The following SHANK2 variants were observed in gnomAD, a reference collection of about 807,000 sequenced individuals.
SHANK2 encodes the protein SH3 and multiple ankyrin repeat domains 2.
SHANK2 carries 43 observed loss-of-function variants against 133.7 expected under a neutral mutation model. The observed-to-expected ratio is 0.32, with a 90% CI of 0.25 to 0.41. SHANK2 has a LOEUF of 0.41. Among genes scored for constraint, SHANK2 ranks in the 10% least tolerant of loss-of-function variants. The probability of loss-of-function intolerance (pLI) is 1.00; values close to 1 mark genes in which losing one functional copy is unlikely to be tolerated. For missense variants in SHANK2, 1,994 were observed against 2,235.8 expected (o/e 0.89, Z 2.18); for synonymous variants, 1,017 against 952.8 (o/e 1.07, Z -1.24).
chr11:70,917,847 C>A (rs1184762505), intron 10 of SHANK2, among the ~76,000 whole-genome samples: 1 of 151,930 alleles, frequency 6.6e-6, no homozygotes, highest in African/African-American at 2.4e-5. Flanking sequence ...GACACAGGAG[C>A]CTTTCAGGGG....
chr11:70,574,045 TCTC>T (rs1174517188), intron 17 of SHANK2, among the ~76,000 whole-genome samples: 1 of 151,932 alleles, frequency 6.6e-6, no homozygotes, highest in African/African-American at 2.4e-5. Context: ...GGAAGTCTGA[TCTC>T]CTCCTACCAG....
intron 8 of SHANK2, among the ~76,000 whole-genome samples, chr11:71,085,716 T>G (rs1462069321): frequency 1.6e-5 from 1 of 63,062 alleles, no homozygotes; most frequent in Non-Finnish European, 2.7e-5. Context: ...TTATATATAT[T>G]ATATTATATA....
intron 17 of SHANK2, among the ~76,000 whole-genome samples, chr11:70,582,885 G>A (rs12800827): frequency 3.3e-5 from 5 of 152,312 alleles, no homozygotes; most frequent in Non-Finnish European, 5.9e-5. Flanking sequence ...GGGTGTGCGT[G>A]TCTGATGAGC....
chr11:70,628,624 C>T (rs1190855933), intron 17 of SHANK2, among the ~76,000 whole-genome samples: 3 of 152,340 alleles, frequency 2.0e-5, no homozygotes, highest in East Asian at 1.9e-4. Flanking sequence ...ACGCCAGCCC[C>T]ATGCTCACTC....
chr11:70,709,777 G>A (rs1310352524), intron 14 of SHANK2, among the ~76,000 whole-genome samples: 11 of 152,104 alleles, frequency 7.2e-5, no homozygotes, highest in African/African-American at 2.4e-4. Context: ...AAGAGACTTG[G>A]GGGAGCCCTG....
At chr11:70,943,109 T>A (rs1482928629) in intron 10 of SHANK2, 1 of 456,480 alleles carries the variant, frequency 2.2e-6, no homozygotes, top group South Asian at 1.6e-5. Context: ...GGAGTTCACC[T>A]GGCAAAGGTG....
chr11:71,161,954 C>T (rs1464240353), intron 2 of SHANK2, among the ~76,000 whole-genome samples: 1 of 152,190 alleles, frequency 6.6e-6, no homozygotes, highest in Non-Finnish European at 1.5e-5. Flanking sequence ...ACAGGCAGGG[C>T]AGCATCCTCA....
At chr11:70,826,763 T>C in intron 11 of SHANK2, 1 of 304,376 alleles carries the variant, frequency 3.3e-6, no homozygotes, top group Non-Finnish European at 6.6e-6. Context: ...CGGCTACCTC[T>C]CGCGGCGCGC....
Position 70,485,322 on chromosome 11 carries a change from G to C in SHANK2, c.4971C>G (p.Leu1657=). ...DSPMGAKSAS[L]APRSPEIMST... ...ACCAACCGCGGACTTACCTTGGAGC[G>C]AGGCTGGCGGACTTGGCTCCCATTG... The change falls in exon 25 of 26, where the codon CTC becomes CTG. Residue 1657 remains leucine, a synonymous_variant. Transcript: ENST00000601538. This position sits in a 1 kb window ranked among gnomAD's most constrained non-coding sequence, Gnocchi z 5.8. The C allele has an allele frequency of 1.9e-6, 3 of 1,613,742 alleles. No individual in the cohort carries two copies. The highest frequency in any genetic ancestry group is 2.5e-6 in the Non-Finnish European group (3 of 1,179,984).
At chr11:71,214,283 C>A (rs897905409) in intron 2 of SHANK2, among the ~76,000 whole-genome samples, 1 of 152,182 alleles carries the variant, frequency 6.6e-6, no homozygotes. Flanking sequence ...GTTAAAATCC[C>A]GCAGCACAAA....
At chr11:70,873,860 C>T (rs1555070687) in intron 11 of SHANK2, among the ~76,000 whole-genome samples, 1 of 152,120 alleles carries the variant, frequency 6.6e-6, no homozygotes, top group East Asian at 1.9e-4. Context: ...TTCCTAGCAC[C>T]AGCCTCCTGT....
In SHANK2 at chr11:70,549,465, T is replaced by C. The variant is rs552387033; in HGVS notation, c.2062-46534A>G. 4.6e-5 allele frequency among the ~76,000 whole-genome samples: 7 copies of C among 152,330 alleles called. No homozygotes were observed. The South Asian group carries it at 1.5e-3, about 32-fold the overall frequency. ...GGAAATGGAGCTGCCTGCTTCCTCT[T>C]TGGTGATGGGACATCGACTAGGACG... On this transcript the variant is annotated intron_variant, in intron 17 of 25. Coordinates refer to ENST00000601538, the MANE Select transcript of SHANK2 (RefSeq NM_012309.5).
chr11:71,180,680 T>C lies in SHANK2; in HGVS notation c.-12-33342A>G, dbSNP rs192676715. 1.4e-3 allele frequency among the ~76,000 whole-genome samples: 213 copies of C among 152,262 alleles called. 4 individuals are homozygous for C. Among genetic ancestry groups the C allele is most frequent in the Admixed American group, 0.014 (209 of 15,294 alleles). On this transcript the variant is annotated intron_variant, in intron 2 of 25. Coordinates refer to ENST00000601538, the MANE Select transcript of SHANK2 (RefSeq NM_012309.5). ...TGGCATGTTTGAACAAACCTGTCAA[T>C]CCACGTAAGCCACACTACACTAGGC...
chr11:70,940,723 T>C (rs1950635732), intron 10 of SHANK2, among the ~76,000 whole-genome samples: 1 of 152,090 alleles, frequency 6.6e-6, no homozygotes, highest in African/African-American at 2.4e-5. Flanking sequence ...AGGGTGAACA[T>C]TGGTTGCTGG....
intron 11 of SHANK2, among the ~76,000 whole-genome samples, chr11:70,858,874 G>A (rs76844613): frequency 0.026 from 3,947 of 152,280 alleles, 157 homozygotes; most frequent in African/African-American, 0.09. Flanking sequence ...GGCCAAAGCT[G>A]TTTTCAGGAA....
At chr11:70,694,696 T>C (rs555724863) in intron 15 of SHANK2, among the ~76,000 whole-genome samples, 32 of 152,308 alleles carry the variant, frequency 2.1e-4, no homozygotes, top group Admixed American at 1.2e-3. Flanking sequence ...TCCTGCTCCA[T>C]TGGAGAAGCT....
chr11:70,820,385 G>A lies in SHANK2; in HGVS notation c.1472C>T (p.Pro491Leu), dbSNP rs1171075826. The change falls in exon 12 of 26, where the codon CCG (proline) becomes CTG (leucine). Residue 491 changes from proline (P) to leucine (L), a missense_variant. This residue lies in a region of SHANK2 where 653 missense variants were observed against 563.4 expected (regional missense o/e 1.16). Transcript: ENST00000601538. Reference protein sequence around the residue: ...LGGAGEDGKRPQPLWHVGSPF... With the variant: ...LGGAGEDGKRLQPLWHVGSPF... ...TTACCCGACATGCCAGAGAGGCTGCGGCCTCTTGCCGTCCTCGCCTGCGCC... is the reference window on the plus strand; with the variant it reads ...TTACCCGACATGCCAGAGAGGCTGCAGCCTCTTGCCGTCCTCGCCTGCGCC... The A allele has an allele frequency of 1.7e-5, 11 of 655,868 alleles. No individual in the cohort carries two copies. The highest frequency in any genetic ancestry group is 2.6e-5 in the Non-Finnish European group (9 of 349,130). 40.6% of individuals were successfully genotyped at this position (655,868 alleles called of 1,614,324 possible).
intron 1 of SHANK2, among the ~76,000 whole-genome samples, chr11:71,241,692 T>G (rs2135808955): frequency 6.6e-6 from 1 of 152,258 alleles, no homozygotes; most frequent in South Asian, 2.1e-4. Context: ...GCACCTTGCC[T>G]CACTGGAAGA....
chr11:70,622,707 C>T (rs1427777648), intron 17 of SHANK2, among the ~76,000 whole-genome samples: 4 of 152,168 alleles, frequency 2.6e-5, no homozygotes, highest in East Asian at 1.9e-4. Context: ...AGGACATCTG[C>T]GAAGACCGTG....
Sources: gnomAD v4.1 joint callset for allele counts (sites outside exome capture counted in the v4.1 genomes callset) on GRCh38, gnomAD v4.1.1 for gene constraint, gnomAD v4.1.1 regional missense constraint, Gnocchi (gnomAD v3.1) non-coding constraint, MANE v1.5 for transcripts, NCBI Gene and HGNC (gene_info 2026-07-23, HGNC 2026-07-21) for gene names.